Variants in EYS observed in about 807,000 individuals in gnomAD.
The protein encoded by EYS is EGF-like photoreceptor maintenance factor, also known as protein eyes shut homolog.
In EYS, 250 loss-of-function variants were observed where a neutral mutation model predicts 282.1. The observed-to-expected ratio is 0.89, with a 90% CI of 0.80 to 0.98. The LOEUF (loss-of-function observed/expected upper bound fraction) is 0.98, where lower values mean the gene tolerates loss of function less well. Ranked by LOEUF, EYS falls within the 50% of genes least tolerant of loss-of-function variation. The pLI, the probability that EYS is intolerant of heterozygous loss-of-function variation, is 0.00. For missense variants in EYS, 4,016 were observed against 3,709.0 expected (o/e 1.08, Z -2.15); for synonymous variants, 1,355 against 1,282.9 (o/e 1.06, Z -1.20).
intron 12 of EYS, among the ~76,000 whole-genome samples, chr6:65,123,177 A>C (rs1327067217): frequency 6.6e-6 from 1 of 152,136 alleles, no homozygotes; most frequent in Non-Finnish European, 1.5e-5. Context: ...TGAATGTACA[A>C]ACATTAAAAA....
intron 1 of EYS, among the ~76,000 whole-genome samples, chr6:65,669,064 T>C (rs1345934846): frequency 6.6e-6 from 1 of 151,972 alleles, no homozygotes; most frequent in Non-Finnish European, 1.5e-5. Context: ...TTTAAGTATA[T>C]ATGGTTATGA....
Position 63,866,943 on chromosome 6 carries a change from T to C in EYS, c.7056-2585A>G, listed in dbSNP as rs1392956215. ...CAGTAGTTTTTGTTTTCTAAATCTA[T>C]CTTTGCTATCGTCTGTGTTATACCT... On this transcript the variant is annotated intron_variant, in intron 35 of 42. Transcript: ENST00000503581. Among the ~76,000 whole-genome samples, 5 of 152,328 alleles carry C rather than the reference T, an allele frequency of 3.3e-5. No individual in the cohort carries two copies. The East Asian group carries it at 9.6e-4, about 29-fold the overall frequency.
At chr6:64,417,511 C>G (rs1774093195) in intron 28 of EYS, among the ~76,000 whole-genome samples, 1 of 152,042 alleles carries the variant, frequency 6.6e-6, no homozygotes, top group Admixed American at 6.6e-5. Flanking sequence ...AATTAGATTG[C>G]ATTGAATAAT....
At chr6:65,095,562 T>C (rs1258589192) in intron 12 of EYS, among the ~76,000 whole-genome samples, 5 of 151,140 alleles carry the variant, frequency 3.3e-5, no homozygotes, top group African/African-American at 1.2e-4. Context: ...ATACACAAAT[T>C]TTACTTATCA....
chr6:65,342,112 A>G (rs1443174905), intron 10 of EYS, among the ~76,000 whole-genome samples: 1 of 151,168 alleles, frequency 6.6e-6, no homozygotes, highest in Non-Finnish European at 1.5e-5. Flanking sequence ...TTCAAAATAC[A>G]TAAATACTGA....
intron 26 of EYS, among the ~76,000 whole-genome samples, chr6:64,504,719 A>G (rs1006461183): frequency 1.3e-5 from 2 of 152,208 alleles, no homozygotes; most frequent in Admixed American, 6.5e-5. Flanking sequence ...TTAGGGACAG[A>G]TATTAGAGCT....
intron 1 of EYS, among the ~76,000 whole-genome samples, chr6:65,691,895 T>A (rs1562331586): frequency 6.7e-6 from 1 of 150,242 alleles, no homozygotes; most frequent in Non-Finnish European, 1.5e-5. Flanking sequence ...TGGTTATAGA[T>A]GTGTGGTGTT....
chr6:64,014,779 AT>A (rs57255670), intron 33 of EYS, among the ~76,000 whole-genome samples: 2,883 of 144,190 alleles, frequency 0.02, 79 homozygotes, highest in African/African-American at 0.065. Context: ...GTCTTTTTTT[AT>A]TTTTTTTTTT....
At chr6:64,482,797 G>A (rs1776473968) in intron 26 of EYS, among the ~76,000 whole-genome samples, 1 of 151,704 alleles carries the variant, frequency 6.6e-6, no homozygotes, top group Non-Finnish European at 1.5e-5. Flanking sequence ...GTTGCAAACA[G>A]TAGCTAACAA....
At position 64,089,451 on chromosome 6, in the gene EYS, TATG is replaced by T. The variant is rs374795342; in HGVS notation, c.6425-7452_6425-7450del. On this transcript the variant is annotated intron_variant, in intron 31 of 42. Transcript: ENST00000503581. ...TGATTACAATTAAAATGATTATAAT[TATG>T]ATTATCAATATCTTAAATATTTACA... Among the ~76,000 whole-genome samples the T allele has an allele frequency of 5.7e-4, 85 of 149,570 alleles. 2 individuals are homozygous for T. The East Asian group carries it at 0.011, about 20-fold the overall frequency.
At chr6:64,157,559 C>T (rs1214195526) in intron 31 of EYS, among the ~76,000 whole-genome samples, 1 of 152,148 alleles carries the variant, frequency 6.6e-6, no homozygotes, top group Non-Finnish European at 1.5e-5. Context: ...GTTTCGTGGG[C>T]CAGGTCCAGA....
chr6:65,603,254 T>C (rs564343076), intron 2 of EYS, among the ~76,000 whole-genome samples: 11 of 152,028 alleles, frequency 7.2e-5, no homozygotes, highest in East Asian at 3.9e-4. Context: ...AATCCTAGTG[T>C]AATTGGCAAT....
chr6:64,958,229 A>G (rs1769776863), intron 14 of EYS, among the ~76,000 whole-genome samples: 1 of 152,110 alleles, frequency 6.6e-6, no homozygotes, highest in African/African-American at 2.4e-5. Flanking sequence ...TATAACATCA[A>G]ATTTTGGCTG....
intron 31 of EYS, among the ~76,000 whole-genome samples, chr6:64,128,025 A>G (rs937470153): frequency 6.6e-6 from 1 of 152,164 alleles, no homozygotes; most frequent in Non-Finnish European, 1.5e-5. Flanking sequence ...AATGTCATCT[A>G]CAATCTTGAG....
At chr6:65,069,536 G>A (rs183103134) in intron 12 of EYS, among the ~76,000 whole-genome samples, 3 of 151,792 alleles carry the variant, frequency 2.0e-5, no homozygotes, top group Admixed American at 6.6e-5. Flanking sequence ...TGTCTCTTAA[G>A]TGCACTCCTC....
rs1562134208 is a variant in EYS, at chr6:64,686,916, C to CGT, written c.3444-60672_3444-60671insAC. 2.6e-5 allele frequency among the ~76,000 whole-genome samples: 3 copies of CGT among 115,576 alleles called. 1 individual carries two copies. The highest frequency in any genetic ancestry group is 5.6e-5 in the Non-Finnish European group (3 of 53,768). 75.8% of individuals were successfully genotyped at this position (115,576 alleles called of 152,430 possible). ...ATATATATGTGTATATATATACACA[C>CGT]ATATATATACGTATATATATACACA... On this transcript the variant is annotated intron_variant, in intron 22 of 42. Transcript: ENST00000503581.
intron 12 of EYS, among the ~76,000 whole-genome samples, chr6:65,062,319 C>T (rs1401341251): frequency 6.6e-6 from 1 of 151,906 alleles, no homozygotes; most frequent in Non-Finnish European, 1.5e-5. Flanking sequence ...TCCTCACCCT[C>T]CCTGAATTAT....
intron 12 of EYS, among the ~76,000 whole-genome samples, chr6:65,233,955 C>G (rs2150270337): frequency 6.6e-6 from 1 of 152,208 alleles, no homozygotes; most frequent in South Asian, 2.1e-4. Flanking sequence ...CTTCCAGAAG[C>G]CCTGAGTTGA....
At chr6:64,317,504 T>G (rs1770021789) in intron 29 of EYS, among the ~76,000 whole-genome samples, 1 of 151,790 alleles carries the variant, frequency 6.6e-6, no homozygotes, top group Non-Finnish European at 1.5e-5. Context: ...CAGTTAGAAC[T>G]ATGATCATTA....
Sources: gnomAD v4.1 joint callset for allele counts (sites outside exome capture counted in the v4.1 genomes callset) on GRCh38, gnomAD v4.1.1 for gene constraint, MANE v1.5 for transcripts, NCBI Gene and HGNC (gene_info 2026-07-23, HGNC 2026-07-21) for gene names.